KHDRBS2: variants seen among roughly 807,000 people sequenced by gnomAD.
The protein encoded by KHDRBS2 is KH domain-containing, RNA-binding, signal transduction-associated protein 2.
Under a neutral mutation model 44.3 loss-of-function variants are expected in KHDRBS2, and 26 were observed. That is an observed-to-expected ratio of 0.59 (90% CI 0.43 to 0.81). KHDRBS2 has a LOEUF of 0.81. Ranked by LOEUF, KHDRBS2 falls within the 40% of genes least tolerant of loss-of-function variation. KHDRBS2 has a pLI of 0.00. For missense variants in KHDRBS2, 476 were observed against 433.1 expected (o/e 1.10, Z -0.88); for synonymous variants, 194 against 151.1 (o/e 1.28, Z -2.08).
Position 61,738,914 on chromosome 6 carries a change from C to A in KHDRBS2, c.811-6150G>T, listed in dbSNP as rs1023389734. On this transcript the variant is annotated intron_variant, in intron 6 of 8. Coordinates refer to ENST00000281156, the MANE Select transcript of KHDRBS2 (RefSeq NM_152688.4). The stretch of plus-strand genomic sequence containing the variant: ...ATTAACCACTGAATTACCTATTATC[C>A]AGGCATTAAACATAAGAGAAGATTC... Among the ~76,000 whole-genome samples the A allele has an allele frequency of 9.2e-4, 139 of 151,692 alleles. 8 individuals carry two copies. Among genetic ancestry groups the A allele is most frequent in the Non-Finnish European group, 2.9e-5 (2 of 67,822 alleles).
chr6:62,215,489 T>C (rs1249901661), intron 1 of KHDRBS2, among the ~76,000 whole-genome samples: 1 of 151,812 alleles, frequency 6.6e-6, no homozygotes, highest in Non-Finnish European at 1.5e-5. Flanking sequence ...TCTGGAGCTT[T>C]AAGTCATTGG....
chr6:61,885,214 A>G (rs1489448085), intron 6 of KHDRBS2, among the ~76,000 whole-genome samples: 2 of 152,080 alleles, frequency 1.3e-5, no homozygotes, highest in Admixed American at 6.6e-5. Context: ...AGGAAACAAA[A>G]TTAAGGATTT....
chr6:61,942,967 G>C lies in KHDRBS2; in HGVS notation c.483+35099C>G, dbSNP rs952522023. ...AAAAGAAAGAAAGAAAGAGGAGAGA[G>C]AGAGGGAGGGAGGGGGAGGTAGGGA... On this transcript the variant is annotated intron_variant, in intron 4 of 8. Transcript: ENST00000281156. 1.0e-4 allele frequency among the ~76,000 whole-genome samples: 15 copies of C among 144,706 alleles called. 1 individual carries two copies. The highest frequency in any genetic ancestry group is 2.9e-4 in the Admixed American group (4 of 13,994). The allele number at this position is 144,706 out of a possible 152,430, so 94.9% of individuals were successfully genotyped here.
At chr6:61,979,555 G>T (rs1357718486) in intron 3 of KHDRBS2, among the ~76,000 whole-genome samples, 1 of 152,058 alleles carries the variant, frequency 6.6e-6, no homozygotes, top group Non-Finnish European at 1.5e-5. Context: ...GAAAGAGATG[G>T]GAAGGCATCC....
chr6:62,277,830 T>G (rs1841208696), intron 1 of KHDRBS2, among the ~76,000 whole-genome samples: 2 of 152,196 alleles, frequency 1.3e-5, no homozygotes, highest in Admixed American at 1.3e-4. Flanking sequence ...CTGTTATGAG[T>G]CAAATGGAGG....
rs12663704 is a variant in KHDRBS2, at chr6:62,192,894, C to T, written c.92-15582G>A. On this transcript the variant is annotated intron_variant, in intron 1 of 8. Coordinates refer to ENST00000281156, the MANE Select transcript of KHDRBS2 (RefSeq NM_152688.4). ...AAGTGTCACAATGAAACAGTCATTA[C>T]GCTTGTTGCTCATACTACTCCTAAT... Among the ~76,000 whole-genome samples, 51 of 152,232 alleles carry T rather than the reference C, an allele frequency of 3.4e-4. No homozygotes were observed. The East Asian group carries it at 7.7e-3, about 23-fold the overall frequency.
the KHDRBS2 span, among the ~76,000 whole-genome samples, chr6:61,636,341 AT>A: frequency 6.6e-6 from 1 of 152,078 alleles, no homozygotes; most frequent in African/African-American, 2.4e-5. Flanking sequence ...ACTCCTGAAC[AT>A]AATTTAAACT....
intron 6 of KHDRBS2, among the ~76,000 whole-genome samples, chr6:61,812,374 AAAT>A (rs1307211943): frequency 6.6e-6 from 1 of 152,098 alleles, no homozygotes; most frequent in African/African-American, 2.4e-5. Context: ...AATGTGTGAT[AAAT>A]AATAACTCCA....
chr6:62,007,996 C>T (rs1779576500), intron 3 of KHDRBS2, among the ~76,000 whole-genome samples: 1 of 151,968 alleles, frequency 6.6e-6, no homozygotes, highest in Non-Finnish European at 1.5e-5. Flanking sequence ...AAATGATATA[C>T]AAAATGAATT....
intron 6 of KHDRBS2, among the ~76,000 whole-genome samples, chr6:61,773,492 T>C (rs990403635): frequency 4.6e-5 from 7 of 152,244 alleles, no homozygotes; most frequent in Non-Finnish European, 7.4e-5. Flanking sequence ...TGGGGTTGTT[T>C]GTTTTTTTCT....
chr6:61,859,935 T>C (rs1303165011), intron 6 of KHDRBS2, among the ~76,000 whole-genome samples: 1 of 151,906 alleles, frequency 6.6e-6, no homozygotes, highest in Non-Finnish European at 1.5e-5. Flanking sequence ...TGAGAGATTA[T>C]ACAGAAGCCT....
At chr6:61,645,471 A>T in the KHDRBS2 span, among the ~76,000 whole-genome samples, 1 of 151,832 alleles carries the variant, frequency 6.6e-6, no homozygotes, top group African/African-American at 2.4e-5. Flanking sequence ...CCTAAAAAAA[A>T]AAATTTAAAA....
At chr6:61,998,922 A>G (rs778375047) in intron 3 of KHDRBS2, among the ~76,000 whole-genome samples, 6 of 152,018 alleles carry the variant, frequency 3.9e-5, no homozygotes, top group Non-Finnish European at 7.4e-5. Context: ...ATATACACAA[A>G]TATATGTACA....
chr6:62,270,199 C>G (rs924659622), intron 1 of KHDRBS2, among the ~76,000 whole-genome samples: 1 of 151,472 alleles, frequency 6.6e-6, no homozygotes, highest in Non-Finnish European at 1.5e-5. Context: ...TGGCTTGGTG[C>G]CTTTCCTACA....
chr6:62,071,698 A>G (rs1008026993), intron 2 of KHDRBS2, among the ~76,000 whole-genome samples: 1 of 152,100 alleles, frequency 6.6e-6, no homozygotes, highest in African/African-American at 2.4e-5. Flanking sequence ...CCATTGGTCT[A>G]TATCTCTGTT....
At chr6:61,655,136 G>A in the KHDRBS2 span, among the ~76,000 whole-genome samples, 2 of 151,282 alleles carry the variant, frequency 1.3e-5, no homozygotes, top group Non-Finnish European at 2.9e-5. Flanking sequence ...GGAGAGTTTA[G>A]GTTATAGAAA....
At chr6:61,685,466 T>G (rs1766715900) in intron 8 of KHDRBS2, among the ~76,000 whole-genome samples, 1 of 151,888 alleles carries the variant, frequency 6.6e-6, no homozygotes, top group South Asian at 2.1e-4. Context: ...AATAGAACTT[T>G]TCAGAAAGGC....
chr6:61,777,341 A>C (rs1389487238), intron 6 of KHDRBS2, among the ~76,000 whole-genome samples: 3 of 152,118 alleles, frequency 2.0e-5, no homozygotes, highest in Non-Finnish European at 2.9e-5. Context: ...ACAAATTTAC[A>C]GTTTTTATTT....
chr6:61,829,160 T>C (rs750680746), intron 6 of KHDRBS2, among the ~76,000 whole-genome samples: 14 of 152,208 alleles, frequency 9.2e-5, no homozygotes, highest in Admixed American at 3.9e-4. Flanking sequence ...ATTGAGAATT[T>C]TGTTGTAGTT....
Sources: allele counts gnomAD v4.1 joint callset (sites outside exome capture counted in the v4.1 genomes callset), GRCh38; gene constraint gnomAD v4.1.1; transcripts MANE v1.5; gene names NCBI Gene and HGNC (gene_info 2026-07-23, HGNC 2026-07-21).